PCDHGB3: variants seen among roughly 807,000 people sequenced by gnomAD.
PCDHGB3 encodes protocadherin gamma subfamily B, 3, also known as protocadherin gamma-B3.
In PCDHGB3, 40 loss-of-function variants were observed where a neutral mutation model predicts 59.2. That is an observed-to-expected ratio of 0.68 (90% CI 0.52 to 0.88). PCDHGB3 has a LOEUF of 0.88. Among genes scored for constraint, PCDHGB3 ranks in the 40% least tolerant of loss-of-function variants. The probability of loss-of-function intolerance (pLI) is 0.00; values close to 1 mark genes in which losing one functional copy is unlikely to be tolerated. For synonymous variants in PCDHGB3, 581 were observed against 503.6 expected, an observed-to-expected ratio of 1.15 and a Z score of -2.06; for missense variants, 1,309 against 1,187.9, an observed-to-expected ratio of 1.10 and a Z score of -1.50.
chr5:141,466,450 G>A lies in PCDHGB3; in HGVS notation c.2416-28357G>A, dbSNP rs139024933. Reference sequence around the variant, plus strand: ...TAAGCTGAACCGAGATGTCTATGGTGTTGGCTATTGTTTCTGCTGTTAATT... The same window carrying A: ...TAAGCTGAACCGAGATGTCTATGGTATTGGCTATTGTTTCTGCTGTTAATT... On this transcript the variant is annotated intron_variant, in intron 1 of 3. Coordinates refer to ENST00000576222, the MANE Select transcript of PCDHGB3 (RefSeq NM_018924.5). Among the ~76,000 whole-genome samples, 714 of 152,290 alleles carry A rather than the reference G, an allele frequency of 4.7e-3. 2 individuals are homozygous for A. Among genetic ancestry groups the A allele is most frequent in the Non-Finnish European group, 7.0e-3 (479 of 68,028 alleles).
rs189408749 is a variant in PCDHGB3 at position 141,383,405 on chromosome 5, G to T, written c.2415+10596G>T. On this transcript the variant is annotated intron_variant, in intron 1 of 3. Transcript: ENST00000576222. ...GATGTGGGCACGAACTCCCTCCAGAGTTACCAGCTCAGCCCCAATCGCCAC... is the reference window on the plus strand; with the variant it reads ...GATGTGGGCACGAACTCCCTCCAGATTTACCAGCTCAGCCCCAATCGCCAC... The T allele has an allele frequency of 1.2e-4, 200 of 1,613,898 alleles. No individual in the cohort carries two copies. Among genetic ancestry groups the T allele is most frequent in the South Asian group, 4.4e-5 (4 of 91,084 alleles).
chr5:141,372,266 T>C lies in PCDHGB3; in HGVS notation c.1872T>C (p.Gly624=), dbSNP rs1230396538. The C allele has an allele frequency of 6.2e-7, 1 of 1,613,082 alleles. No individual in the cohort carries two copies. The change falls in exon 1 of 4, where the codon GGT becomes GGC. Residue 624 remains glycine, a synonymous_variant. Transcript: ENST00000576222. ...PGLFSLGLRT[G]EVRTARTLGD... Reference sequence around the variant, plus strand: ...TGTTCAGCCTGGGCCTGCGCACGGGTGAGGTGCGCACGGCGCGTACCTTGG... The same window carrying C: ...TGTTCAGCCTGGGCCTGCGCACGGGCGAGGTGCGCACGGCGCGTACCTTGG...
At chr5:141,385,050 G>C in intron 1 of PCDHGB3, 1 of 1,614,164 alleles carries the variant, frequency 6.2e-7, no homozygotes, top group Non-Finnish European at 8.5e-7. Flanking sequence ...TCAGGCTGCG[G>C]CGCTGGCACA....
At chr5:141,464,929 G>A (rs1358204606) in intron 1 of PCDHGB3, among the ~76,000 whole-genome samples, 1 of 151,878 alleles carries the variant, frequency 6.6e-6, no homozygotes, top group Non-Finnish European at 1.5e-5. Flanking sequence ...TTGTAGAGAT[G>A]TGAGGTCTCA....
At chr5:141,481,531 G>A (rs1342825952) in intron 1 of PCDHGB3, among the ~76,000 whole-genome samples, 2 of 152,206 alleles carry the variant, frequency 1.3e-5, no homozygotes, top group African/African-American at 4.8e-5. Context: ...AAAATCTAGA[G>A]ATGGGGCTGG....
chr5:141,385,239 C>A lies in PCDHGB3; in HGVS notation c.2415+12430C>A, dbSNP rs367668432. On this transcript the variant is annotated intron_variant, in intron 1 of 3. Transcript: ENST00000576222. ...AGCCCAACTATGTAGACATGCTCAT[C>A]AGCCAGGAGAGCTGTGAGAAAAATG... 4 of 1,613,960 alleles carry A rather than the reference C, an allele frequency of 2.5e-6. No individual in the cohort carries two copies. The African/African-American group carries it at 5.3e-5, about 22-fold the overall frequency.
intron 1 of PCDHGB3, chr5:141,414,885 C>T: frequency 6.2e-7 from 1 of 1,614,224 alleles, no homozygotes; most frequent in South Asian, 1.1e-5. Context: ...TGTACCCCGC[C>T]CTCCCCACAG....
intron 1 of PCDHGB3, chr5:141,413,293 C>G: frequency 6.2e-7 from 1 of 1,613,946 alleles, no homozygotes; most frequent in South Asian, 1.1e-5. Context: ...CTACTCAATT[C>G]CTGAGGAATT....
Position 141,370,572 on chromosome 5 carries a change from GA to G in PCDHGB3, c.179del (p.Asp60ValfsTer18). ...LAKDLGFGVG[D>X]LPTRNLRVIA... ...CAAGGACCTGGGGTTTGGCGTGGGG[GA>G]TTTACCTACTAGGAACCTGCGGGTT... On this transcript the variant is annotated frameshift_variant, in exon 1 of 4. Transcript: ENST00000576222. LOFTEE classifies it high-confidence loss of function. 5.6e-6 allele frequency: 9 copies of G among 1,613,960 alleles called. No individual in the cohort carries two copies. Among genetic ancestry groups the G allele is most frequent in the Non-Finnish European group, 7.6e-6 (9 of 1,179,888 alleles).
chr5:141,456,390 T>G (rs1007800936), intron 1 of PCDHGB3, among the ~76,000 whole-genome samples: 2 of 152,114 alleles, frequency 1.3e-5, no homozygotes, highest in African/African-American at 4.8e-5. Context: ...CGTTTGGAGT[T>G]TGATTGCTTC....
chr5:141,389,918 C>A (rs1341057088), intron 1 of PCDHGB3: 5 of 1,613,966 alleles, frequency 3.1e-6, no homozygotes, highest in Non-Finnish European at 4.2e-6. Flanking sequence ...ACCGCCCCGA[C>A]CCCTCTGACC....
At chr5:141,408,882 ACATAGAAATTTCTGTCAAG>A (rs745313321) in intron 1 of PCDHGB3, 50 of 1,613,286 alleles carry the variant, frequency 3.1e-5, no homozygotes, top group Non-Finnish European at 4.1e-5. Context: ...GCCACCGCTC[ACATAGAAATTTCTGTCAAG>A]GATACCAATG....
chr5:141,401,512 A>G (rs556332375), intron 1 of PCDHGB3, among the ~76,000 whole-genome samples: 2 of 152,374 alleles, frequency 1.3e-5, no homozygotes, highest in South Asian at 4.1e-4. Context: ...CCACCTCTAT[A>G]TAATTACCAG....
rs958652662 is a variant in PCDHGB3, at chr5:141,494,839, T to C, written c.2448T>C (p.Ser816=). 6.2e-7 allele frequency: 1 copy of C among 1,614,106 alleles called. No individual in the cohort carries two copies. Among genetic ancestry groups the C allele is most frequent in the Non-Finnish European group, 8.5e-7 (1 of 1,180,016 alleles). ...QAPPNTDWRF[S]QAQRPGTSGS... ...CGCCCAACACGGACTGGCGTTTCTC[T>C]CAGGCCCAGAGACCCGGCACCAGCG... The change falls in exon 2 of 4, where the codon TCT becomes TCC. Residue 816 remains serine (S), a synonymous_variant. Coordinates refer to ENST00000576222, the MANE Select transcript of PCDHGB3 (RefSeq NM_018924.5).
At chr5:141,469,374 A>G (rs1270202528) in intron 1 of PCDHGB3, among the ~76,000 whole-genome samples, 1 of 152,076 alleles carries the variant, frequency 6.6e-6, no homozygotes, top group Non-Finnish European at 1.5e-5. Flanking sequence ...AAAGAGATCG[A>G]GACCATCCTG....
In PCDHGB3 at chr5:141,372,944, T is replaced by G. The variant is rs575803755; in HGVS notation, c.2415+135T>G. ...ATTTTCTGGTGTAGAGTAGGGTGTC[T>G]AGGAAATTCTTTGTAGAATTTCCTG... On this transcript the variant is annotated intron_variant, in intron 1 of 3. Coordinates refer to ENST00000576222, the MANE Select transcript of PCDHGB3 (RefSeq NM_018924.5). The G allele has an allele frequency of 1.0e-5, 8 of 788,876 alleles. No individual in the cohort carries two copies. In the East Asian group the frequency reaches 2.2e-4, roughly 22 times the overall value. The allele number at this position is 788,876 out of a possible 1,614,324, so 48.9% of individuals were successfully genotyped here. A position where few individuals can be genotyped will look rare whatever the true frequency, so the allele number is the denominator to read the frequency against.
rs754888812 is a variant in PCDHGB3, at chr5:141,374,393, G to T, written c.2415+1584G>T. The T allele has an allele frequency of 1.1e-5, 18 of 1,614,032 alleles. No individual in the cohort carries two copies. In the Middle Eastern group the frequency reaches 1.2e-3, roughly 104 times the overall value. ...CTGTGCTCAGAGCCCGCGGTGTCTG[G>T]TGAGTTTTAACATCCTTGTCGAGGA... On this transcript the variant is annotated intron_variant, in intron 1 of 3. Transcript: ENST00000576222.
chr5:141,432,635 G>C lies in PCDHGB3; in HGVS notation c.2415+59826G>C, dbSNP rs754354737. On this transcript the variant is annotated intron_variant, in intron 1 of 3. Transcript: ENST00000576222. The surrounding 1 kb of genome is among the most constrained non-coding windows in gnomAD (Gnocchi z 6.0). ...CTCGGTGGGTCTGCACACGGGCGAG[G>C]TGCGCACGGCGCGAGCCCTGCTGGA... The C allele has an allele frequency of 5.6e-6, 9 of 1,612,886 alleles. No individual in the cohort carries two copies. Among genetic ancestry groups the C allele is most frequent in the Non-Finnish European group, 7.6e-6 (9 of 1,179,742 alleles).
chr5:141,422,541 T>C (rs1389095817), intron 1 of PCDHGB3: 1 of 1,613,992 alleles, frequency 6.2e-7, no homozygotes. Context: ...CAGAAACTCA[T>C]GTCTGGCTGA....
Sources: gnomAD v4.1 joint callset for allele counts (sites outside exome capture counted in the v4.1 genomes callset) on GRCh38, gnomAD v4.1.1 for gene constraint, Gnocchi (gnomAD v3.1) non-coding constraint, MANE v1.5 for transcripts, NCBI Gene and HGNC (gene_info 2026-07-23, HGNC 2026-07-21) for gene names.